The following OXR1 variants were observed in gnomAD, a reference collection of about 807,000 sequenced individuals.
OXR1 encodes the protein oxidation resistance protein 1.
OXR1 carries 41 observed loss-of-function variants against 104.6 expected under a neutral mutation model. The observed-to-expected ratio is 0.39, with a 90% CI of 0.31 to 0.51. OXR1 has a LOEUF of 0.51. Among genes scored for constraint, OXR1 ranks in the 20% least tolerant of loss-of-function variants. The pLI is 0.77. For missense variants in OXR1, 955 were observed against 1,031.9 expected, an observed-to-expected ratio of 0.93 and a Z score of 1.02; for synonymous variants, 348 against 348.4, an observed-to-expected ratio of 1.00 and a Z score of 0.01.
chr8:106,514,808 G>A (rs1812757098), intron 2 of OXR1, among the ~76,000 whole-genome samples: 1 of 152,066 alleles, frequency 6.6e-6, no homozygotes, highest in Non-Finnish European at 1.5e-5. Context: ...TATGTGAATT[G>A]AAGGTAAAAC....
At chr8:106,512,003 TA>T (rs1468550930) in intron 2 of OXR1, among the ~76,000 whole-genome samples, 6 of 152,212 alleles carry the variant, frequency 3.9e-5, no homozygotes, top group African/African-American at 1.4e-4. Context: ...TGATACATTA[TA>T]AATGCTCAAT....
At chr8:106,695,813 A>AT (rs1213635345) in intron 7 of OXR1, among the ~76,000 whole-genome samples, 11 of 151,962 alleles carry the variant, frequency 7.2e-5, no homozygotes, top group Admixed American at 5.2e-4. Context: ...GGTCCATTGA[A>AT]TTTTTTTTAA....
At chr8:106,538,588 G>C (rs1814721792) in intron 3 of OXR1, among the ~76,000 whole-genome samples, 1 of 152,074 alleles carries the variant, frequency 6.6e-6, no homozygotes, top group African/African-American at 2.4e-5. Context: ...TTGTTTTGCA[G>C]TTTCATAAAC....
intron 4 of OXR1, among the ~76,000 whole-genome samples, chr8:106,680,944 A>C (rs558111870): frequency 4.8e-4 from 73 of 152,168 alleles, no homozygotes; most frequent in Non-Finnish European, 9.0e-4. Context: ...TCCCTGACCT[A>C]CTGCTACTGC....
intron 6 of OXR1, among the ~76,000 whole-genome samples, chr8:106,691,619 C>CATAT (rs35095319): frequency 0.089 from 12,564 of 140,790 alleles, 704 homozygotes; most frequent in East Asian, 0.27. Context: ...CATATATATA[C>CATAT]ATATATATAT....
Position 106,370,249 on chromosome 8 carries a change from G to A in OXR1, c.23+10613G>A, listed in dbSNP as rs1335956176. Among the ~76,000 whole-genome samples, 9 of 152,266 alleles carry A rather than the reference G, an allele frequency of 5.9e-5. No homozygotes were observed. In the East Asian group the frequency reaches 1.7e-3, roughly 29 times the overall value. The stretch of plus-strand genomic sequence containing the variant: ...CTTTTGATTTTTGCAGATTGGTTTT[G>A]TATCCTGAGACTGCGCTGAAGTTGC... On this transcript the variant is annotated intron_variant, in intron 2 of 16. Coordinates refer to ENST00000517566, the MANE Select transcript of OXR1 (RefSeq NM_001198533.2).
At chr8:106,493,052 T>TA (rs1438769432) in intron 2 of OXR1, among the ~76,000 whole-genome samples, 10 of 152,192 alleles carry the variant, frequency 6.6e-5, no homozygotes, top group South Asian at 6.2e-4. Context: ...GACTTTTTTT[T>TA]AAAAAAATTG....
intron 16 of OXR1, among the ~76,000 whole-genome samples, chr8:106,749,203 C>T (rs576552890): frequency 6.6e-6 from 1 of 151,842 alleles, no homozygotes; most frequent in East Asian, 2.0e-4. Flanking sequence ...ATTAGCCGGG[C>T]GTGGTGGCAG....
intron 11 of OXR1, chr8:106,720,734 A>G (rs1364610158): frequency 3.1e-6 from 3 of 967,312 alleles, no homozygotes; most frequent in Non-Finnish European, 3.7e-6. Flanking sequence ...ATCAAAAAAC[A>G]TACCAGGCTG....
chr8:106,281,159 T>C (rs1812264020), intron 1 of OXR1, among the ~76,000 whole-genome samples: 1 of 152,034 alleles, frequency 6.6e-6, no homozygotes, highest in Non-Finnish European at 1.5e-5. Flanking sequence ...AGAGCATAGT[T>C]TGGTGCCACA....
chr8:106,565,805 A>G (rs920852181), intron 3 of OXR1, among the ~76,000 whole-genome samples: 1 of 152,182 alleles, frequency 6.6e-6, no homozygotes, highest in Non-Finnish European at 1.5e-5. Flanking sequence ...AACAGAACAG[A>G]GGCCTCAGAA....
intron 2 of OXR1, among the ~76,000 whole-genome samples, chr8:106,426,352 G>GT (rs140797269): frequency 6.2e-4 from 91 of 147,592 alleles, no homozygotes; most frequent in African/African-American, 1.4e-3. Context: ...TGTTACATTT[G>GT]TTTTTTTTTT....
At chr8:106,550,540 G>C (rs181404581) in intron 3 of OXR1, among the ~76,000 whole-genome samples, 1 of 152,150 alleles carries the variant, frequency 6.6e-6, no homozygotes, top group African/African-American at 2.4e-5. Context: ...ATCCCCACAC[G>C]TTGAGGGAGG....
chr8:106,682,741 T>C (rs1397769836), intron 4 of OXR1, among the ~76,000 whole-genome samples: 3 of 152,216 alleles, frequency 2.0e-5, no homozygotes, highest in Non-Finnish European at 4.4e-5. Flanking sequence ...CAACTTTAGT[T>C]CAAATATTTT....
chr8:106,467,836 A>G (rs1821257779), intron 2 of OXR1, among the ~76,000 whole-genome samples: 1 of 151,954 alleles, frequency 6.6e-6, no homozygotes, highest in South Asian at 2.1e-4. Flanking sequence ...ATGTTGACAA[A>G]TTAGTAAAAC....
intron 3 of OXR1, among the ~76,000 whole-genome samples, chr8:106,614,491 G>A (rs537887502): frequency 4.6e-5 from 7 of 152,290 alleles, no homozygotes; most frequent in East Asian, 3.9e-4. Context: ...TTTGACTGCC[G>A]TAAATCAGAG....
In OXR1 at chr8:106,518,989, A is replaced by G; in HGVS notation, c.70A>G (p.Asn24Asp). The change falls in exon 3 of 17, where the codon AAC becomes GAC. Residue 24 changes from asparagine (N) to aspartate (D), a missense_variant. Asn to Asp is a conservative substitution (Grantham distance 23). Transcript: ENST00000517566. The part of the protein sequence containing the change: ...QSVDINAPGF[N>D]PLAGAGKQTP... ...GGTGGATATTAATGCTCCAGGGTTC[A>G]ACCCTTTGGCTGGTGCAGGAAAGCA... 6.4e-7 allele frequency: 1 copy of G among 1,551,748 alleles called. No homozygotes were observed. Among genetic ancestry groups the G allele is most frequent in the Non-Finnish European group, 8.7e-7 (1 of 1,146,964 alleles).
chr8:106,425,952 A>T (rs1424174713), intron 2 of OXR1, among the ~76,000 whole-genome samples: 1 of 152,228 alleles, frequency 6.6e-6, no homozygotes, highest in Non-Finnish European at 1.5e-5. Flanking sequence ...TGTAAGGAAC[A>T]GCAAGGGAGC....
In OXR1 at chr8:106,737,609, T is replaced by G; in HGVS notation, c.2037+9T>G. The G allele has an allele frequency of 7.6e-7, 1 of 1,321,044 alleles. No individual in the cohort carries two copies. The highest frequency in any genetic ancestry group is 1.0e-6 in the Non-Finnish European group (1 of 1,002,436). The allele number at this position is 1,321,044 out of a possible 1,614,324, so 81.8% of individuals were successfully genotyped here. On this transcript the variant is annotated intron_variant, in intron 12 of 16. Coordinates refer to ENST00000517566, the MANE Select transcript of OXR1 (RefSeq NM_001198533.2). ...TCTGCAGACGCCTCCAGGTGCCCCC[T>G]TCAGTAGTTTAAACCCCTCCAGAGA...
Sources: allele counts gnomAD v4.1 joint callset (sites outside exome capture counted in the v4.1 genomes callset), GRCh38; gene constraint gnomAD v4.1.1; transcripts MANE v1.5; gene names NCBI Gene and HGNC (gene_info 2026-07-23, HGNC 2026-07-21).